The following MYBPC2 variants were observed in gnomAD, a reference collection of about 807,000 sequenced individuals.
The protein encoded by MYBPC2 is myosin binding protein C2.
In MYBPC2, 122 loss-of-function variants were observed where a neutral mutation model predicts 137.0. The observed-to-expected ratio is 0.89, with a 90% confidence interval of 0.77 to 1.03. The LOEUF (loss-of-function observed/expected upper bound fraction) is 1.03. Ranked by LOEUF, MYBPC2 falls within the 50% of genes least tolerant of loss-of-function variation. MYBPC2 has a pLI of 0.00. For missense variants in MYBPC2, 1,500 were observed against 1,534.4 expected (o/e 0.98, Z 0.37); for synonymous variants, 626 against 612.3 (o/e 1.02, Z -0.33).
Position 50,435,008 on chromosome 19 carries a change from G to T in MYBPC2, c.20-153G>T, listed in dbSNP as rs1008224261. Among the ~76,000 whole-genome samples, 2 of 137,962 alleles carry T rather than the reference G, an allele frequency of 1.4e-5. No individual in the cohort carries two copies. Among genetic ancestry groups the T allele is most frequent in the Non-Finnish European group, 3.0e-5 (2 of 67,394 alleles). 90.5% of individuals were successfully genotyped at this position (137,962 alleles called of 152,430 possible). The stretch of plus-strand genomic sequence containing the variant: ...GGGTCTGAGGGAGGAGGGGCTGGGG[G>T]CCTGGACTCCTGGGTCTGAGGGAGG... On this transcript the variant is annotated intron_variant, in intron 1 of 27. Coordinates refer to ENST00000357701, the MANE Select transcript of MYBPC2 (RefSeq NM_004533.4). This position sits in a 1 kb window ranked among gnomAD's most constrained non-coding sequence, Gnocchi z 4.8.
intron 7 of MYBPC2, among the ~76,000 whole-genome samples, chr19:50,438,033 C>A (rs983181362): frequency 1.3e-5 from 2 of 152,140 alleles, no homozygotes; most frequent in African/African-American, 4.8e-5. Context: ...GGCTCTAGTT[C>A]ACCTATGCCT....
At chr19:50,453,569 T>C (rs1022007475) in intron 16 of MYBPC2, among the ~76,000 whole-genome samples, 1 of 151,932 alleles carries the variant, frequency 6.6e-6, no homozygotes, top group Admixed American at 6.6e-5. Flanking sequence ...AGATGGAGTT[T>C]TGCTCTTGTT....
chr19:50,459,020 G>A lies in MYBPC2; in HGVS notation c.2595+14G>A, dbSNP rs1250882867. On this transcript the variant is annotated intron_variant, in intron 22 of 27. Transcript: ENST00000357701. ...GTCCCCTTCCAGGTCAGGGGAGCGGGGTCACGGGCCGGGGGTCCGCTCTCG... is the reference window on the plus strand; with the variant it reads ...GTCCCCTTCCAGGTCAGGGGAGCGGAGTCACGGGCCGGGGGTCCGCTCTCG... 1 of 1,602,144 alleles carries A rather than the reference G, an allele frequency of 6.2e-7. No individual in the cohort carries two copies. The highest frequency in any genetic ancestry group is 8.5e-7 in the Non-Finnish European group (1 of 1,175,242).
intron 13 of MYBPC2, among the ~76,000 whole-genome samples, chr19:50,450,521 A>G (rs370475903): frequency 6.6e-6 from 1 of 152,036 alleles, no homozygotes; most frequent in Non-Finnish European, 1.5e-5. Flanking sequence ...CTCGATCCTC[A>G]GCTTCCCAAA....
At position 50,450,813 on chromosome 19, in the gene MYBPC2, C is replaced by G; in HGVS notation, c.1473-16C>G. 6.4e-7 allele frequency: 1 copy of G among 1,552,434 alleles called. No individual in the cohort carries two copies. The highest frequency in any genetic ancestry group is 8.7e-7 in the Non-Finnish European group (1 of 1,146,500). On this transcript the variant is annotated splice_polypyrimidine_tract_variant and intron_variant, in intron 13 of 27. Transcript: ENST00000357701. ...GCAATCTGGTTCGAGCCCTACCCTG[C>G]TCCCCCACCCCTTAGGTTCCACAAG...
chr19:50,437,818 T>C, intron 7 of MYBPC2, 100 bp downstream of exon 7: 1 of 1,321,962 alleles, frequency 7.6e-7, no homozygotes, highest in South Asian at 1.3e-5. Context: ...GACCCACTGC[T>C]TATCCCTCTA....
chr19:50,440,956 C>T lies in MYBPC2; in HGVS notation c.649C>T (p.Leu217Phe), dbSNP rs752245517. The T allele has an allele frequency of 3.1e-6, 5 of 1,613,712 alleles. No homozygotes were observed. In the African/African-American group the frequency reaches 5.3e-5, roughly 17 times the overall value. The change falls in exon 8 of 28, where the codon CTC (leucine) becomes TTC (phenylalanine). Residue 217 changes from leucine to phenylalanine, a missense_variant. Leu to Phe is a conservative substitution (Grantham distance 22). Transcript: ENST00000357701. ...DLGIPPEIWE[L>F]LKGAKKSEYE... ...AGGCATCCCCCCGGAGATTTGGGAG[C>T]TCCTGAAAGGGGCAAAGAAGAGCGA...
chr19:50,450,680 G>A (rs1251650907), intron 13 of MYBPC2, 149 bp from the exon 14 acceptor site: 7 of 607,840 alleles, frequency 1.2e-5, no homozygotes, highest in Non-Finnish European at 1.5e-5. Context: ...CATAGCTACC[G>A]ATTTGAAAAT....
chr19:50,440,592 G>T (rs972859850), intron 7 of MYBPC2, among the ~76,000 whole-genome samples: 8 of 151,578 alleles, frequency 5.3e-5, no homozygotes, highest in Non-Finnish European at 1.2e-4. Flanking sequence ...GAACCCAGGA[G>T]GTGGAGGTTG....
Position 50,448,855 on chromosome 19 carries a change from C to A in MYBPC2, c.1472+465C>A, listed in dbSNP as rs887079820. Among the ~76,000 whole-genome samples, 5 of 151,246 alleles carry A rather than the reference C, an allele frequency of 3.3e-5. 1 individual carries two copies. Among genetic ancestry groups the A allele is most frequent in the Admixed American group, 3.3e-4 (5 of 15,144 alleles). ...GTTCAAGCGATTCTCCTGCCTCAGC[C>A]TCCTGACTAGCTGGGACTACAGGCA... On this transcript the variant is annotated intron_variant, in intron 13 of 27. Transcript: ENST00000357701.
At chr19:50,448,978 C>T (rs1020646401) in intron 13 of MYBPC2, among the ~76,000 whole-genome samples, 5 of 151,984 alleles carry the variant, frequency 3.3e-5, no homozygotes, top group African/African-American at 9.7e-5. Context: ...GATCCACCCA[C>T]CTCGGCCTCC....
chr19:50,443,899 G>A, intron 11 of MYBPC2, 83 bp downstream of exon 11: 2 of 1,278,918 alleles, frequency 1.6e-6, no homozygotes, highest in Middle Eastern at 2.5e-4. Flanking sequence ...GACCTCCTGT[G>A]ACTTCTCTTG....
rs1214062583 is a variant in MYBPC2, at chr19:50,460,195, G to A, written c.2931+16G>A. ...AAAAACCATGGTGAGAGAGCAGAGGGGGAGATGGGGAAGAGCCGGTGAGGT... is the reference window on the plus strand; with the variant it reads ...AAAAACCATGGTGAGAGAGCAGAGGAGGAGATGGGGAAGAGCCGGTGAGGT... On this transcript the variant is annotated intron_variant, in intron 24 of 27. Coordinates refer to ENST00000357701, the MANE Select transcript of MYBPC2 (RefSeq NM_004533.4). 25 of 1,594,498 alleles carry A rather than the reference G, an allele frequency of 1.6e-5. No individual in the cohort carries two copies. In the South Asian group the frequency reaches 2.7e-4, roughly 17 times the overall value.
intron 19 of MYBPC2, 34 bp from the exon 20 acceptor site, chr19:50,455,476 T>C (rs2039900715): frequency 1.3e-6 from 2 of 1,599,604 alleles, no homozygotes; most frequent in Non-Finnish European, 1.7e-6. Context: ...GACCCCTCAT[T>C]CCCCCCATAT....
chr19:50,441,217 C>T (rs1002736971), intron 8 of MYBPC2, 141 bp downstream of exon 8: 22 of 896,868 alleles, frequency 2.5e-5, no homozygotes, highest in East Asian at 5.9e-5. Flanking sequence ...CGGTGGGCCT[C>T]GGACACCAGA....
chr19:50,437,954 C>A (rs1033665578), intron 7 of MYBPC2, among the ~76,000 whole-genome samples: 1 of 152,124 alleles, frequency 6.6e-6, no homozygotes, highest in African/African-American at 2.4e-5. Context: ...AGCCAAACAT[C>A]TGCCATGAGT....
At chr19:50,450,723 T>A in intron 13 of MYBPC2, 106 bp from the exon 14 acceptor site, 1 of 739,804 alleles carries the variant, frequency 1.4e-6, no homozygotes, top group Non-Finnish European at 2.3e-6. Flanking sequence ...TGGATAAGAA[T>A]GCAGGCATGT....
At chr19:50,460,709 T>C (rs997724016) in intron 24 of MYBPC2, among the ~76,000 whole-genome samples, 1 of 150,306 alleles carries the variant, frequency 6.7e-6, no homozygotes, top group Non-Finnish European at 1.5e-5. Context: ...TTTAGAATTC[T>C]TTTTTTTGAG....
At chr19:50,439,670 G>A (rs568830126) in intron 7 of MYBPC2, among the ~76,000 whole-genome samples, 82 of 152,160 alleles carry the variant, frequency 5.4e-4, no homozygotes, top group African/African-American at 1.8e-3. Context: ...GAGGCCTCCC[G>A]TCTACTAGGT....
Sources: allele counts gnomAD v4.1 joint callset (sites outside exome capture counted in the v4.1 genomes callset), GRCh38; gene constraint gnomAD v4.1.1; non-coding constraint Gnocchi (gnomAD v3.1); transcripts MANE v1.5; gene names NCBI Gene and HGNC (gene_info 2026-07-23, HGNC 2026-07-21).